The following PDE4D variants were observed in gnomAD, a reference collection of about 807,000 sequenced individuals.
PDE4D encodes the protein 3',5'-cyclic-AMP phosphodiesterase 4D.
A neutral mutation model predicts 87.4 loss-of-function variants in PDE4D; 24 were observed. The ratio of observed to expected loss-of-function variants is 0.27; its 90% CI spans 0.20 to 0.39. The LOEUF is 0.39. PDE4D is among the 10% of genes least tolerant of loss of function. PDE4D has a pLI of 1.00. For synonymous variants in PDE4D, 384 were observed against 383.2 expected (o/e 1.00, Z -0.02); for missense variants, 714 against 1,041.0 (o/e 0.69, Z 4.32).
chr5:60,131,212 C>T (rs1779542744), intron 2 of PDE4D, among the ~76,000 whole-genome samples: 2 of 152,134 alleles, frequency 1.3e-5, no homozygotes, highest in South Asian at 2.1e-4. Flanking sequence ...TTTGTTTTCG[C>T]TTCTGTTGAA....
At chr5:60,315,212 T>C (rs59070814) in intron 1 of PDE4D, among the ~76,000 whole-genome samples, 9,182 of 152,296 alleles carry the variant, frequency 0.06, 918 homozygotes, top group African/African-American at 0.21. Context: ...ATTGTGGTTT[T>C]GATTTGCATT....
chr5:59,278,655 T>G (rs1313402521), intron 1 of PDE4D, among the ~76,000 whole-genome samples: 1 of 152,098 alleles, frequency 6.6e-6, no homozygotes, highest in Non-Finnish European at 1.5e-5. Context: ...TTTTTCTTAA[T>G]TGACTCACTT....
intron 1 of PDE4D, among the ~76,000 whole-genome samples, chr5:60,228,629 C>T (rs1280357282): frequency 6.6e-6 from 1 of 151,894 alleles, no homozygotes; most frequent in Non-Finnish European, 1.5e-5. Flanking sequence ...TGTGCCAATT[C>T]TGGGTTTAAG....
chr5:59,067,399 A>G (rs1340123163), intron 5 of PDE4D, among the ~76,000 whole-genome samples: 1 of 152,192 alleles, frequency 6.6e-6, no homozygotes, highest in Non-Finnish European at 1.5e-5. Flanking sequence ...AAAGACAGAA[A>G]ATAGCCATAG....
intron 5 of PDE4D, among the ~76,000 whole-genome samples, chr5:59,083,400 A>C (rs1302656326): frequency 6.6e-6 from 1 of 151,726 alleles, no homozygotes; most frequent in Non-Finnish European, 1.5e-5. Flanking sequence ...CAGGTCAAGG[A>C]TTTTTTTTCT....
At chr5:60,118,867 C>T (rs906720794) in intron 2 of PDE4D, among the ~76,000 whole-genome samples, 4 of 151,932 alleles carry the variant, frequency 2.6e-5, no homozygotes, top group Non-Finnish European at 5.9e-5. Context: ...GGTATGAAGC[C>T]CTCCCAGGAT....
intron 1 of PDE4D, among the ~76,000 whole-genome samples, chr5:59,611,638 G>A (rs1407474662): frequency 2.0e-5 from 3 of 152,124 alleles, no homozygotes; most frequent in Non-Finnish European, 2.9e-5. Flanking sequence ...CACAGTAAAT[G>A]TTCCATAAAT....
At chr5:59,691,973 TG>T (rs990525542) in intron 1 of PDE4D, among the ~76,000 whole-genome samples, 3 of 152,064 alleles carry the variant, frequency 2.0e-5, no homozygotes, top group African/African-American at 7.2e-5. Context: ...CAAAACAACC[TG>T]GGCAAAATAT....
At chr5:60,222,798 C>T (rs1000162348) in intron 1 of PDE4D, among the ~76,000 whole-genome samples, 4 of 152,000 alleles carry the variant, frequency 2.6e-5, no homozygotes, top group Non-Finnish European at 4.4e-5. Context: ...ATTCCTTTCA[C>T]AGGACTGTTA....
intron 1 of PDE4D, among the ~76,000 whole-genome samples, chr5:59,372,711 T>G (rs1249787055): frequency 6.6e-6 from 1 of 152,152 alleles, no homozygotes; most frequent in African/African-American, 2.4e-5. Flanking sequence ...CCTGCCCACC[T>G]CTGTAAGCTG....
intron 3 of PDE4D, among the ~76,000 whole-genome samples, chr5:59,970,282 A>G (rs1255379309): frequency 6.6e-6 from 1 of 152,218 alleles, no homozygotes; most frequent in Non-Finnish European, 1.5e-5. Flanking sequence ...AATACCATTC[A>G]GGACACAGGC....
intron 1 of PDE4D, among the ~76,000 whole-genome samples, chr5:59,703,889 A>T (rs1752981537): frequency 6.6e-6 from 1 of 152,136 alleles, no homozygotes; most frequent in Non-Finnish European, 1.5e-5. Flanking sequence ...AACCAAGAAA[A>T]TGTCAGTTAC....
At chr5:60,208,615 C>T (rs1455145651) in intron 1 of PDE4D, among the ~76,000 whole-genome samples, 1 of 152,158 alleles carries the variant, frequency 6.6e-6, no homozygotes, top group East Asian at 1.9e-4. Context: ...TATGCTTTCC[C>T]GCCAGTGCTG....
intron 1 of PDE4D, among the ~76,000 whole-genome samples, chr5:60,212,344 A>G (rs1362233962): frequency 6.6e-6 from 1 of 152,164 alleles, no homozygotes; most frequent in Admixed American, 6.5e-5. Context: ...TGTGACTGAC[A>G]AGATTCCCTC....
intron 1 of PDE4D, among the ~76,000 whole-genome samples, chr5:59,697,846 C>T (rs1288491444): frequency 1.3e-5 from 2 of 152,092 alleles, no homozygotes; most frequent in Non-Finnish European, 2.9e-5. Context: ...AATGAAAAGC[C>T]CTGTTGAATT....
chr5:59,322,564 T>G (rs1774901360), intron 1 of PDE4D, among the ~76,000 whole-genome samples: 1 of 152,146 alleles, frequency 6.6e-6, no homozygotes, highest in South Asian at 2.1e-4. Flanking sequence ...TCTTTATGGC[T>G]TATGGGTCAA....
At chr5:59,824,512 AG>A (rs920044112) in intron 1 of PDE4D, among the ~76,000 whole-genome samples, 3 of 152,236 alleles carry the variant, frequency 2.0e-5, no homozygotes, top group African/African-American at 7.2e-5. Flanking sequence ...TTGTTGAGTA[AG>A]AGAATAGTTC....
intron 1 of PDE4D, among the ~76,000 whole-genome samples, chr5:59,823,691 T>A (rs577273448): frequency 1.2e-4 from 18 of 152,140 alleles, no homozygotes; most frequent in African/African-American, 4.3e-4. Flanking sequence ...TTCAAAAACA[T>A]CCCATCTTAC....
intron 1 of PDE4D, among the ~76,000 whole-genome samples, chr5:59,675,035 G>C (rs993390656): frequency 1.3e-5 from 2 of 152,164 alleles, no homozygotes; most frequent in African/African-American, 4.8e-5. Flanking sequence ...CCTGTAACTA[G>C]ATTTTCACTA....
Sources: allele counts gnomAD v4.1 joint callset (sites outside exome capture counted in the v4.1 genomes callset), GRCh38; gene constraint gnomAD v4.1.1; transcripts MANE v1.5; gene names NCBI Gene and HGNC (gene_info 2026-07-23, HGNC 2026-07-21).